PLXNC1: variants seen among roughly 807,000 people sequenced by gnomAD.
PLXNC1 encodes the protein plexin-C1.
Under a neutral mutation model 178.2 loss-of-function variants are expected in PLXNC1, and 75 were observed. The observed-to-expected ratio is 0.42, with a 90% CI of 0.35 to 0.51. The LOEUF is 0.51. PLXNC1 is among the 20% of genes least tolerant of loss of function. The pLI, the probability that PLXNC1 is intolerant of heterozygous loss-of-function variation, is 0.02. For synonymous variants in PLXNC1, 790 were observed against 779.9 expected (o/e 1.01, Z -0.22); for missense variants, 1,503 against 1,984.4 (o/e 0.76, Z 4.61).
At chr12:94,296,122 CTACTCCCCATT>C (rs1187080202) in intron 24 of PLXNC1, among the ~76,000 whole-genome samples, 4 of 152,172 alleles carry the variant, frequency 2.6e-5, no homozygotes, top group Non-Finnish European at 5.9e-5. Flanking sequence ...TCCTCTCCAT[CTACTCCCCATT>C]TTCCATTAGC....
Position 94,300,891 on chromosome 12 carries a change from T to C in PLXNC1, c.4239-19T>C. ...ATGAATGGCCCTATTTGAAAAGAGA[T>C]TATTCTCTCTTTGAACAGCCTTCCT... On this transcript the variant is annotated intron_variant, in intron 27 of 30. Coordinates refer to ENST00000258526, the MANE Select transcript of PLXNC1 (RefSeq NM_005761.3). 1.2e-6 allele frequency: 2 copies of C among 1,600,698 alleles called. No individual in the cohort carries two copies. The highest frequency in any genetic ancestry group is 1.7e-6 in the Non-Finnish European group (2 of 1,170,284).
chr12:94,307,329 C>T lies in PLXNC1; in HGVS notation c.*2044C>T, dbSNP rs1040074640. 6.6e-6 allele frequency: 1 copy of T among 152,222 alleles called. No individual in the cohort carries two copies. The highest frequency in any genetic ancestry group is 2.4e-5 in the African/African-American group (1 of 41,468). The allele number at this position is 152,222 out of a possible 1,614,324, so 9.4% of individuals were successfully genotyped here. A position where few individuals can be genotyped will look rare whatever the true frequency, so the allele number is the denominator to read the frequency against. On this transcript the variant is annotated 3_prime_UTR_variant, in exon 31 of 31. Coordinates refer to ENST00000258526, the MANE Select transcript of PLXNC1 (RefSeq NM_005761.3). ...TTTGTCAATCCTCCAGTGAAAAGCA[C>T]TATCTAGATCACATTTTGGATCACA...
chr12:94,229,508 A>G (rs1007589641), intron 9 of PLXNC1, among the ~76,000 whole-genome samples: 1 of 152,106 alleles, frequency 6.6e-6, no homozygotes, highest in African/African-American at 2.4e-5. Context: ...TTCTTTCTGC[A>G]TTTATTTGTA....
At chr12:94,290,635 G>A (rs990316356) in intron 23 of PLXNC1, among the ~76,000 whole-genome samples, 1 of 152,226 alleles carries the variant, frequency 6.6e-6, no homozygotes, top group Non-Finnish European at 1.5e-5. Context: ...CTTGCTCTGT[G>A]TTCCTCCCTG....
At chr12:94,279,950 C>T in intron 22 of PLXNC1, 1 of 488,976 alleles carries the variant, frequency 2.0e-6, no homozygotes, top group Non-Finnish European at 3.8e-6. Context: ...ACGGAATCAC[C>T]TTGCATCATG....
intron 1 of PLXNC1, among the ~76,000 whole-genome samples, chr12:94,163,650 CCA>C: frequency 1.3e-5 from 2 of 152,162 alleles, no homozygotes; most frequent in South Asian, 4.1e-4. Context: ...ACAAGCTTCA[CCA>C]CCTTGCATGC....
intron 8 of PLXNC1, 143 bp downstream of exon 8, chr12:94,226,850 C>T (rs1963954222): frequency 1.5e-6 from 1 of 648,768 alleles, no homozygotes; most frequent in Non-Finnish European, 2.8e-6. Context: ...ATGGCAAAAC[C>T]CTGCCTCTAC....
At chr12:94,159,442 G>C (rs533083681) in intron 1 of PLXNC1, among the ~76,000 whole-genome samples, 1 of 152,308 alleles carries the variant, frequency 6.6e-6, no homozygotes, top group East Asian at 1.9e-4. Context: ...AAGAAAGGCC[G>C]GTTGCAGGTT....
chr12:94,243,980 A>G lies in PLXNC1; in HGVS notation c.2343A>G (p.Val781=). 6.2e-7 allele frequency: 1 copy of G among 1,600,376 alleles called. No homozygotes were observed. Among genetic ancestry groups the G allele is most frequent in the Non-Finnish European group, 8.6e-7 (1 of 1,168,854 alleles). ...NITMMGRNFD[V]IDNLIISHEL... ...CCATGATGGGCAGAAATTTTGATGT[A>G]ATTGACAACTTAATCATTTCACATG... Residue 781 remains valine, a synonymous_variant, in exon 12 of 31, where the codon GTA becomes GTG. Coordinates refer to ENST00000258526, the MANE Select transcript of PLXNC1 (RefSeq NM_005761.3).
intron 21 of PLXNC1, among the ~76,000 whole-genome samples, chr12:94,268,618 A>G (rs568332425): frequency 1.2e-4 from 10 of 85,058 alleles, no homozygotes; most frequent in African/African-American, 3.7e-4. Context: ...TTTTTAATTT[A>G]AGGAATACCA....
At chr12:94,181,834 G>A (rs1029956550) in intron 3 of PLXNC1, among the ~76,000 whole-genome samples, 5 of 152,066 alleles carry the variant, frequency 3.3e-5, no homozygotes, top group African/African-American at 1.2e-4. Flanking sequence ...TCAGAGGAGG[G>A]TGTGCTTGGA....
At chr12:94,289,892 A>ACTTGG (rs1472261651) in intron 23 of PLXNC1, among the ~76,000 whole-genome samples, 2 of 152,208 alleles carry the variant, frequency 1.3e-5, no homozygotes, top group Non-Finnish European at 2.9e-5. Context: ...ATGTTTCTAC[A>ACTTGG]CTTGCTCTTG....
intron 2 of PLXNC1, among the ~76,000 whole-genome samples, chr12:94,177,679 A>G (rs574668856): frequency 6.6e-6 from 1 of 152,284 alleles, no homozygotes; most frequent in African/African-American, 2.4e-5. Context: ...TTGATGCTTC[A>G]TTTCCAAGGT....
chr12:94,278,035 C>G (rs577208894), intron 21 of PLXNC1: 25 of 455,950 alleles, frequency 5.5e-5, no homozygotes, highest in Non-Finnish European at 9.3e-5. Context: ...TACTTGGGGA[C>G]CTCCTCTTTC....
chr12:94,283,197 A>C (rs1247631141), intron 23 of PLXNC1, among the ~76,000 whole-genome samples: 1 of 152,198 alleles, frequency 6.6e-6, no homozygotes, highest in African/African-American at 2.4e-5. Flanking sequence ...CCTTGCGTGT[A>C]GTAGTGCTGT....
At position 94,151,311 on chromosome 12, in the gene PLXNC1, A is replaced by T. The variant is rs142107580; in HGVS notation, c.1062+1278A>T. ...GCACATCTTACCAAATATTAGCCCTATGAGCCAGGGAGAAAAAAACCAGGA... is the reference window on the plus strand; with the variant it reads ...GCACATCTTACCAAATATTAGCCCTTTGAGCCAGGGAGAAAAAAACCAGGA... On this transcript the variant is annotated intron_variant, in intron 1 of 30. Transcript: ENST00000258526. Among the ~76,000 whole-genome samples, 1,052 of 152,202 alleles carry T rather than the reference A, an allele frequency of 6.9e-3. 14 individuals carry two copies. Among genetic ancestry groups the T allele is most frequent in the African/African-American group, 0.024 (984 of 41,512 alleles).
intron 1 of PLXNC1, among the ~76,000 whole-genome samples, chr12:94,157,192 G>A (rs1024473047): frequency 3.9e-5 from 6 of 152,230 alleles, no homozygotes; most frequent in Admixed American, 1.3e-4. Context: ...CCCCTGGTCC[G>A]ACTAGAAGAG....
At chr12:94,249,704 C>T (rs1244332261) in intron 14 of PLXNC1, among the ~76,000 whole-genome samples, 2 of 152,014 alleles carry the variant, frequency 1.3e-5, no homozygotes, top group Non-Finnish European at 2.9e-5. Context: ...ACTCAACTCA[C>T]CAGTGTTCCC....
chr12:94,177,489 G>T (rs1410239724), intron 2 of PLXNC1, among the ~76,000 whole-genome samples: 1 of 139,326 alleles, frequency 7.2e-6, no homozygotes, highest in South Asian at 2.3e-4. Flanking sequence ...TGTAAAAAAA[G>T]AAAGAAAGAA....
Sources: allele counts gnomAD v4.1 joint callset (sites outside exome capture counted in the v4.1 genomes callset), GRCh38; gene constraint gnomAD v4.1.1; transcripts MANE v1.5; gene names NCBI Gene and HGNC (gene_info 2026-07-23, HGNC 2026-07-21).